Variants in AUTS2 observed in about 807,000 individuals in gnomAD.
The protein encoded by AUTS2 is activator of transcription and developmental regulator AUTS2, also known as autism susceptibility gene 2 protein.
AUTS2 carries 17 observed loss-of-function variants against 112.4 expected under a neutral mutation model. The observed-to-expected ratio is 0.15, with a 90% confidence interval of 0.10 to 0.23. The LOEUF is 0.23. AUTS2 is among the 10% of genes least tolerant of loss of function. The probability of loss-of-function intolerance (pLI) is 1.00; values close to 1 mark genes in which losing one functional copy is unlikely to be tolerated. For synonymous variants in AUTS2, 751 were observed against 702.7 expected, an observed-to-expected ratio of 1.07 and a Z score of -1.09; for missense variants, 1,510 against 1,701.6, an observed-to-expected ratio of 0.89 and a Z score of 1.98.
At chr7:70,028,467 A>C (rs1035738196) in intron 2 of AUTS2, among the ~76,000 whole-genome samples, 1 of 152,130 alleles carries the variant, frequency 6.6e-6, no homozygotes, top group Non-Finnish European at 1.5e-5. Context: ...TTAAGTATTA[A>C]ATGAAGCCTC....
intron 2 of AUTS2, among the ~76,000 whole-genome samples, chr7:70,029,826 C>A (rs755689544): frequency 6.6e-6 from 1 of 152,072 alleles, no homozygotes; most frequent in Non-Finnish European, 1.5e-5. Context: ...CCACAGCAAT[C>A]GTAATATGAA....
At chr7:69,614,356 C>CTT (rs369444982) in intron 1 of AUTS2, among the ~76,000 whole-genome samples, 5 of 82,926 alleles carry the variant, frequency 6.0e-5, no homozygotes, top group Middle Eastern at 5.7e-3. Context: ...TTCTTTCTTT[C>CTT]TTTCTTTCTT....
At chr7:70,341,661 T>C (rs1252392688) in intron 4 of AUTS2, among the ~76,000 whole-genome samples, 1 of 152,120 alleles carries the variant, frequency 6.6e-6, no homozygotes, top group African/African-American at 2.4e-5. Flanking sequence ...ACGAAAAGAG[T>C]CTAATCACCT....
chr7:70,649,993 G>A (rs912120252), intron 5 of AUTS2, among the ~76,000 whole-genome samples: 11 of 152,152 alleles, frequency 7.2e-5, no homozygotes, highest in Non-Finnish European at 1.2e-4. Flanking sequence ...GCAGGGGGGC[G>A]GGTGTGAGTA....
rs544247697 is a variant in AUTS2, at chr7:70,032,253, G to A, written c.523-85879G>A. Among the ~76,000 whole-genome samples the A allele has an allele frequency of 1.5e-4, 23 of 152,118 alleles. No individual in the cohort carries two copies. In the South Asian group the frequency reaches 4.1e-3, roughly 27 times the overall value. On this transcript the variant is annotated intron_variant, in intron 2 of 18. Coordinates refer to ENST00000342771, the MANE Select transcript of AUTS2 (RefSeq NM_015570.4). ...ATAGAGCATATAAAATTCTAACTCCGCTGTATCATAAATTTGACCTCACTG... is the reference window on the plus strand; with the variant it reads ...ATAGAGCATATAAAATTCTAACTCCACTGTATCATAAATTTGACCTCACTG...
chr7:69,677,475 C>G (rs1236321458), intron 1 of AUTS2, among the ~76,000 whole-genome samples: 1 of 152,154 alleles, frequency 6.6e-6, no homozygotes, highest in Non-Finnish European at 1.5e-5. Context: ...GCCAGCGTTT[C>G]CCTTCTATAG....
chr7:69,780,486 A>T (rs1016786762), intron 1 of AUTS2, among the ~76,000 whole-genome samples: 6 of 152,200 alleles, frequency 3.9e-5, no homozygotes, highest in African/African-American at 1.4e-4. Flanking sequence ...GGGAAGGATG[A>T]TGTAACTGTG....
At chr7:69,906,624 G>A (rs1221537156) in intron 2 of AUTS2, among the ~76,000 whole-genome samples, 2 of 152,136 alleles carry the variant, frequency 1.3e-5, no homozygotes, top group African/African-American at 4.8e-5. Flanking sequence ...TGAAATTGTG[G>A]GTGGGCTTTA....
intron 2 of AUTS2, among the ~76,000 whole-genome samples, chr7:69,946,650 T>G (rs1329616014): frequency 2.0e-5 from 3 of 152,012 alleles, no homozygotes; most frequent in African/African-American, 7.3e-5. Context: ...GTGTATTGTA[T>G]TATGGAATAT....
chr7:70,401,283 C>T (rs1259052431), intron 4 of AUTS2, among the ~76,000 whole-genome samples: 1 of 152,170 alleles, frequency 6.6e-6, no homozygotes, highest in Non-Finnish European at 1.5e-5. Context: ...CTGCAAGTTC[C>T]CTGAGATGTG....
At chr7:70,047,782 T>C (rs1023860423) in intron 2 of AUTS2, among the ~76,000 whole-genome samples, 1 of 151,976 alleles carries the variant, frequency 6.6e-6, no homozygotes, top group Non-Finnish European at 1.5e-5. Flanking sequence ...AGGTAGGATT[T>C]TAAGGAAATT....
intron 2 of AUTS2, among the ~76,000 whole-genome samples, chr7:70,078,368 C>T (rs2129564236): frequency 6.6e-6 from 1 of 152,278 alleles, no homozygotes; most frequent in South Asian, 2.1e-4. Context: ...ACTCAAAATA[C>T]TGCCTAATTT....
intron 13 of AUTS2, 83 bp downstream of exon 13, chr7:70,775,469 T>G: frequency 9.0e-7 from 1 of 1,108,428 alleles, no homozygotes; most frequent in East Asian, 2.4e-5. Flanking sequence ...TACAAGGAAA[T>G]AAGCCATAGA....
intron 5 of AUTS2, among the ~76,000 whole-genome samples, chr7:70,438,664 C>A (rs1795995214): frequency 6.6e-6 from 1 of 152,220 alleles, no homozygotes; most frequent in Non-Finnish European, 1.5e-5. Flanking sequence ...TCCAAGACTT[C>A]TGCTCTGTCG....
intron 4 of AUTS2, among the ~76,000 whole-genome samples, chr7:70,159,033 CT>C (rs1562749111): frequency 6.6e-6 from 1 of 152,064 alleles, no homozygotes; most frequent in Non-Finnish European, 1.5e-5. Flanking sequence ...ATTTATTGCC[CT>C]GCTTTCTTTT....
At chr7:70,786,569 TAGG>T (rs1460782920) in intron 17 of AUTS2, among the ~76,000 whole-genome samples, 2 of 152,168 alleles carry the variant, frequency 1.3e-5, no homozygotes, top group East Asian at 3.8e-4. Flanking sequence ...CCATCTCGAT[TAGG>T]AGAAGAATTA....
chr7:70,154,313 A>C (rs1807620770), intron 4 of AUTS2, among the ~76,000 whole-genome samples: 1 of 152,212 alleles, frequency 6.6e-6, no homozygotes, highest in South Asian at 2.1e-4. Flanking sequence ...GAGAGAGGAA[A>C]AGGGAAAAAT....
chr7:69,965,204 A>G (rs943014329), intron 2 of AUTS2, among the ~76,000 whole-genome samples: 7 of 152,036 alleles, frequency 4.6e-5, no homozygotes, highest in African/African-American at 1.7e-4. Context: ...CACTGTCCCC[A>G]CGGCTATAAT....
At chr7:70,300,306 C>T (rs1014575824) in intron 4 of AUTS2, among the ~76,000 whole-genome samples, 3 of 152,106 alleles carry the variant, frequency 2.0e-5, no homozygotes, top group African/African-American at 7.2e-5. Context: ...ATTTGTTGGG[C>T]CACATTCAGA....
Sources: allele counts gnomAD v4.1 joint callset (sites outside exome capture counted in the v4.1 genomes callset), GRCh38; gene constraint gnomAD v4.1.1; transcripts MANE v1.5; gene names NCBI Gene and HGNC (gene_info 2026-07-23, HGNC 2026-07-21).